The following RALB variants were observed in gnomAD, a reference collection of about 807,000 sequenced individuals.
The protein encoded by RALB is RAS like proto-oncogene B.
Under a neutral mutation model 21.3 loss-of-function variants are expected in RALB, and 16 were observed. The ratio of observed to expected loss-of-function variants is 0.75; its 90% CI spans 0.51 to 1.14. The LOEUF is 1.14. Ranked by LOEUF, RALB falls within the 50% of genes most tolerant of loss-of-function variation. The probability of loss-of-function intolerance (pLI) is 0.00; values close to 1 mark genes in which losing one functional copy is unlikely to be tolerated. For missense variants in RALB, 161 were observed against 256.2 expected, an observed-to-expected ratio of 0.63 and a Z score of 2.54; for synonymous variants, 93 against 96.1, an observed-to-expected ratio of 0.97 and a Z score of 0.19.
intron 1 of RALB, among the ~76,000 whole-genome samples, chr2:120,266,777 A>T (rs143743562): frequency 0.018 from 2,683 of 152,298 alleles, 82 homozygotes; most frequent in African/African-American, 0.061. Context: ...CTCACAACCC[A>T]GGTGGAGAAC....
chr2:120,244,892 C>T (rs1479099054), intron 1 of RALB, among the ~76,000 whole-genome samples: 1 of 152,210 alleles, frequency 6.6e-6, no homozygotes, highest in Non-Finnish European at 1.5e-5. Flanking sequence ...TAGCTTCAGG[C>T]TGTGATACAG....
At chr2:120,280,600 T>C (rs529642783) in intron 2 of RALB, among the ~76,000 whole-genome samples, 1 of 152,012 alleles carries the variant, frequency 6.6e-6, no homozygotes, top group East Asian at 1.9e-4. Context: ...ACCTAATGCA[T>C]GTGGGGCTTA....
At chr2:120,244,570 C>A (rs1004773831) in intron 1 of RALB, among the ~76,000 whole-genome samples, 2 of 152,232 alleles carry the variant, frequency 1.3e-5, no homozygotes, top group Non-Finnish European at 1.5e-5. Context: ...TCCTGAATAG[C>A]ACCCCTTCAT....
chr2:120,263,057 C>G (rs1689410535), intron 1 of RALB, among the ~76,000 whole-genome samples: 1 of 152,178 alleles, frequency 6.6e-6, no homozygotes, highest in South Asian at 2.1e-4. Flanking sequence ...TGCGTCTGAG[C>G]AAAAAGTATC....
In RALB at chr2:120,259,566, C is replaced by T. The variant is rs375099505; in HGVS notation, c.-48+6586C>T. On this transcript the variant is annotated intron_variant, in intron 1 of 4. Coordinates refer to ENST00000272519, the MANE Select transcript of RALB (RefSeq NM_002881.3). ...ACCAGAGCAGCTAGATACAGAGTGT[C>T]GATTGGTGCACTCACAAACCTTGAG... Among the ~76,000 whole-genome samples, 41 of 152,250 alleles carry T rather than the reference C, an allele frequency of 2.7e-4. 1 individual carries two copies. The East Asian group carries it at 6.0e-3, about 22-fold the overall frequency.
At chr2:120,291,468 T>G (rs1490189235) in intron 4 of RALB, among the ~76,000 whole-genome samples, 1 of 152,184 alleles carries the variant, frequency 6.6e-6, no homozygotes, top group Admixed American at 6.5e-5. Context: ...AGCTTGGAAC[T>G]GTGGATGTGT....
chr2:120,285,293 CA>C (rs1690103122), intron 2 of RALB, among the ~76,000 whole-genome samples: 1 of 152,142 alleles, frequency 6.6e-6, no homozygotes, highest in Non-Finnish European at 1.5e-5. Context: ...CATTGTCTCC[CA>C]TAAGGTCACT....
intron 4 of RALB, 64 bp downstream of exon 4, chr2:120,289,821 C>A: frequency 1.4e-6 from 2 of 1,450,566 alleles, no homozygotes. Context: ...GGAGGCATCT[C>A]ATCTGCTGGG....
upstream of RALB, among the ~76,000 whole-genome samples, chr2:120,251,169 C>G (rs1366878087): frequency 1.3e-5 from 2 of 152,328 alleles, no homozygotes; most frequent in Admixed American, 1.3e-4. Flanking sequence ...CTATCATACC[C>G]TTTTCACTTG....
rs17050080 is a variant in RALB, at chr2:120,293,013, C to T, written c.502-128C>T. ...TGTGCTTTAAAATGTAACTACATAT[C>T]CTGCTTAGTCAAATTATTTCATTGA... is the stretch of plus-strand genomic sequence containing the variant. On this transcript the variant is annotated intron_variant, in intron 4 of 4. Coordinates refer to ENST00000272519, the MANE Select transcript of RALB (RefSeq NM_002881.3). The T allele has an allele frequency of 8.0e-3, 7,757 of 967,234 alleles. 71 individuals are homozygous for T. Among genetic ancestry groups the T allele is most frequent in the Middle Eastern group, 0.033 (94 of 2,810 alleles). 59.9% of individuals were successfully genotyped at this position (967,234 alleles called of 1,614,324 possible).
chr2:120,262,667 G>A (rs1471851172), intron 1 of RALB, among the ~76,000 whole-genome samples: 1 of 152,142 alleles, frequency 6.6e-6, no homozygotes, highest in Non-Finnish European at 1.5e-5. Flanking sequence ...GATCCTCTCA[G>A]CCTTCACATA....
chr2:120,243,365 T>A lies in RALB; in HGVS notation c.19+3240T>A, dbSNP rs971579220. Among the ~76,000 whole-genome samples, 12 of 152,218 alleles carry A rather than the reference T, an allele frequency of 7.9e-5. 1 individual carries two copies. Among genetic ancestry groups the A allele is most frequent in the Admixed American group, 7.9e-4 (12 of 15,286 alleles). ...GGGCCACCACTCTCGCCCCAGCCCT[T>A]ACCAGGACTCTGCTGGGTGGGAACA... On this transcript the variant is annotated intron_variant, in intron 1 of 3. Coordinates refer to the RALB transcript ENST00000447591.
intron 1 of RALB, among the ~76,000 whole-genome samples, chr2:120,246,375 A>G (rs1688971496): frequency 6.6e-6 from 1 of 152,216 alleles, no homozygotes; most frequent in African/African-American, 2.4e-5. Flanking sequence ...ATCAGCCTCC[A>G]ACAGTAAGCA....
intron 1 of RALB, among the ~76,000 whole-genome samples, chr2:120,247,786 G>T (rs1327970042): frequency 2.0e-5 from 3 of 152,242 alleles, no homozygotes; most frequent in African/African-American, 7.2e-5. Flanking sequence ...CCCTTACCTG[G>T]TGCTTTGCAT....
chr2:120,294,352 G>C lies in RALB; in HGVS notation c.*1092G>C, dbSNP rs1690373321. 2.5e-6 allele frequency: 1 copy of C among 398,646 alleles called. No individual in the cohort carries two copies. The allele number at this position is 398,646 out of a possible 1,614,324, so 24.7% of individuals were successfully genotyped here. On this transcript the variant is annotated 3_prime_UTR_variant, in exon 5 of 5. Transcript: ENST00000272519. ...ATCGCCCCTTTGCCTCTGAGAATTGGCTGCTGTTTCTAATATAATTATTTT... is the reference window on the plus strand; with the variant it reads ...ATCGCCCCTTTGCCTCTGAGAATTGCCTGCTGTTTCTAATATAATTATTTT...
Position 120,293,526 on chromosome 2 carries a change from G to A in RALB, c.*266G>A, listed in dbSNP as rs531091481. The A allele has an allele frequency of 1.3e-5, 3 of 223,604 alleles. No homozygotes were observed. The allele number at this position is 223,604 out of a possible 1,614,324, so 13.9% of individuals were successfully genotyped here. ...TCCCAAAAGCTTAGCTATGTATAAA[G>A]TGCCACAGATAGGAAACAGCTGTTA... On this transcript the variant is annotated 3_prime_UTR_variant, in exon 5 of 5. Transcript: ENST00000272519.
At position 120,293,467 on chromosome 2, in the gene RALB, G is replaced by C. The variant is rs563904765; in HGVS notation, c.*207G>C. 1 of 372,482 alleles carries C rather than the reference G, an allele frequency of 2.7e-6. No individual in the cohort carries two copies. The highest frequency in any genetic ancestry group is 4.5e-6 in the Non-Finnish European group (1 of 221,496). The allele number at this position is 372,482 out of a possible 1,614,324, so 23.1% of individuals were successfully genotyped here. On this transcript the variant is annotated 3_prime_UTR_variant, in exon 5 of 5. Transcript: ENST00000272519. ...AAGTGGAAGGGCTGCTTTGTCAGGA[G>C]GTTGTGGAATTTCTTTCTTCTCCCC...
intron 1 of RALB, among the ~76,000 whole-genome samples, chr2:120,274,713 A>G (rs932104955): frequency 6.6e-6 from 1 of 152,210 alleles, no homozygotes; most frequent in Non-Finnish European, 1.5e-5. Flanking sequence ...TGCTATGAGC[A>G]TCGTTACTTT....
intron 1 of RALB, among the ~76,000 whole-genome samples, chr2:120,276,467 G>T (rs1050393716): frequency 2.6e-5 from 4 of 152,100 alleles, no homozygotes; most frequent in Non-Finnish European, 5.9e-5. Context: ...ACTAGGCAGG[G>T]TGGTGCGTGC....
Sources: allele counts gnomAD v4.1 joint callset (sites outside exome capture counted in the v4.1 genomes callset), GRCh38; gene constraint gnomAD v4.1.1; transcripts MANE v1.5; gene names NCBI Gene and HGNC (gene_info 2026-07-23, HGNC 2026-07-21).